KCNA6: variants seen among roughly 807,000 people sequenced by gnomAD.
KCNA6 encodes human brain potassium channel-2.
In KCNA6, 17 loss-of-function variants were observed where a neutral mutation model predicts 29.5. The observed-to-expected ratio is 0.58, with a 90% CI of 0.39 to 0.86. KCNA6 has a LOEUF of 0.86. Among genes scored for constraint, KCNA6 ranks in the 40% least tolerant of loss-of-function variants. The pLI is 0.00. For synonymous variants in KCNA6, 296 were observed against 304.7 expected (o/e 0.97, Z 0.30); for missense variants, 450 against 703.4 (o/e 0.64, Z 4.07).
At chr12:4,848,729 T>C in the KCNA6 span, among the ~76,000 whole-genome samples, 2 of 152,006 alleles carry the variant, frequency 1.3e-5, no homozygotes, top group Admixed American at 6.5e-5. Context: ...AGACGGGGTT[T>C]CTCCATGTTG....
chr12:4,824,729 A>C, the KCNA6 span, among the ~76,000 whole-genome samples: 1 of 152,314 alleles, frequency 6.6e-6, no homozygotes, highest in East Asian at 1.9e-4. Flanking sequence ...GAAATGCACA[A>C]GGGTGTAGGT....
chr12:4,834,784 G>A, the KCNA6 span, among the ~76,000 whole-genome samples: 3 of 152,176 alleles, frequency 2.0e-5, no homozygotes, highest in African/African-American at 7.2e-5. Flanking sequence ...CATCGACCTT[G>A]GAGCCAAAAT....
chr12:4,836,992 A>G, the KCNA6 span, among the ~76,000 whole-genome samples: 2 of 152,198 alleles, frequency 1.3e-5, no homozygotes, highest in African/African-American at 4.8e-5. Flanking sequence ...GATGGCTGGC[A>G]GCCCCTGGAT....
At chr12:4,821,036 G>A in the KCNA6 span, among the ~76,000 whole-genome samples, 569 of 152,286 alleles carry the variant, frequency 3.7e-3, 3 homozygotes, top group African/African-American at 0.013. Context: ...ACCCAGGAAC[G>A]CTGACTTCTG....
At chr12:4,846,713 A>G in the KCNA6 span, among the ~76,000 whole-genome samples, 1 of 147,960 alleles carries the variant, frequency 6.8e-6, no homozygotes. Context: ...ACTCTGTCCC[A>G]CTGCTCCAGT....
At chr12:4,812,165 A>G (rs796882400) in exon 1 of KCNA6, 4 of 170,204 alleles carry the variant, frequency 2.4e-5, no homozygotes, top group African/African-American at 9.6e-5. Context: ...GACCCTTGGT[A>G]GAGTCTTTAT....
the KCNA6 span, among the ~76,000 whole-genome samples, chr12:4,827,390 G>A: frequency 4.6e-5 from 7 of 151,984 alleles, no homozygotes; most frequent in South Asian, 4.1e-4. Context: ...GGTTTTGGCC[G>A]TTTCAAGCAC....
At chr12:4,830,184 G>A in the KCNA6 span, among the ~76,000 whole-genome samples, 87,076 of 152,010 alleles carry the variant, frequency 0.57, 25,457 homozygotes, top group Middle Eastern at 0.66. Flanking sequence ...CCCACTTAAC[G>A]GTTAGGTCAT....
At chr12:4,834,331 G>A in the KCNA6 span, among the ~76,000 whole-genome samples, 1 of 152,156 alleles carries the variant, frequency 6.6e-6, no homozygotes, top group Non-Finnish European at 1.5e-5. Flanking sequence ...GCTGGGTTGG[G>A]AACCGGTAGG....
the KCNA6 span, among the ~76,000 whole-genome samples, chr12:4,849,087 C>T: frequency 6.6e-6 from 1 of 151,744 alleles, no homozygotes; most frequent in African/African-American, 2.4e-5. Flanking sequence ...CCATTGCACC[C>T]AGCCTGGCGA....
At chr12:4,827,158 T>TTCCTTCCCTCCTTCCCTCCTTCTCTCCC in the KCNA6 span, among the ~76,000 whole-genome samples, 1 of 123,792 alleles carries the variant, frequency 8.1e-6, no homozygotes, top group African/African-American at 3.1e-5. Flanking sequence ...CCCTCGTTCT[T>TTCCTTCCCTCCTTCCCTCCTTCTCTCCC]TCCTTCCCTC....
chr12:4,833,103 G>A, the KCNA6 span, among the ~76,000 whole-genome samples: 1 of 152,108 alleles, frequency 6.6e-6, no homozygotes, highest in African/African-American at 2.4e-5. Flanking sequence ...ATATGAAATG[G>A]AGTCTTGAGG....
chr12:4,819,245 C>T, the KCNA6 span, among the ~76,000 whole-genome samples: 2 of 152,152 alleles, frequency 1.3e-5, no homozygotes, highest in African/African-American at 2.4e-5. Context: ...CAGTGGTTGA[C>T]ACTGCATTCG....
chr12:4,836,105 A>ATT, the KCNA6 span, among the ~76,000 whole-genome samples: 6,726 of 137,246 alleles, frequency 0.049, 187 homozygotes, highest in South Asian at 0.073. Context: ...ATGCCTGGCT[A>ATT]TTTTTTTTTT....
chr12:4,849,064 T>C, the KCNA6 span, among the ~76,000 whole-genome samples: 3,108 of 151,784 alleles, frequency 0.02, 117 homozygotes, highest in African/African-American at 0.071. Flanking sequence ...GAGGTTGCAG[T>C]GAGCCAAGAT....
the KCNA6 span, among the ~76,000 whole-genome samples, chr12:4,822,305 C>T: frequency 2.0e-5 from 3 of 152,172 alleles, no homozygotes; most frequent in Non-Finnish European, 4.4e-5. Context: ...GACACTGGTG[C>T]TTGCGGCCAT....
chr12:4,827,204 C>CCTTCCTTCCTCCTTCCTT, the KCNA6 span, among the ~76,000 whole-genome samples: 6 of 120,390 alleles, frequency 5.0e-5, no homozygotes, highest in Admixed American at 2.6e-4. Flanking sequence ...TTCCTTCCTT[C>CCTTCCTTCCTCCTTCCTT]CCTCCTTCCT....
At chr12:4,819,458 A>G in the KCNA6 span, among the ~76,000 whole-genome samples, 3 of 152,156 alleles carry the variant, frequency 2.0e-5, no homozygotes, top group Non-Finnish European at 2.9e-5. Flanking sequence ...CCCCCTTTGC[A>G]GGTGGGGGTA....
At chr12:4,827,198 T>TTCCC in the KCNA6 span, among the ~76,000 whole-genome samples, 16,924 of 76,638 alleles carry the variant, frequency 0.22, 1,586 homozygotes, top group African/African-American at 0.35. Flanking sequence ...CCTTCCTTCC[T>TTCCC]TCCTTCCCTC....
Sources: gnomAD v4.1 joint callset for allele counts (sites outside exome capture counted in the v4.1 genomes callset) on GRCh38, gnomAD v4.1.1 for gene constraint, MANE v1.5 for transcripts, NCBI Gene and HGNC (gene_info 2026-07-23, HGNC 2026-07-21) for gene names.